The following CLPTM1 variants were observed in gnomAD, a reference collection of about 807,000 sequenced individuals.
CLPTM1 encodes putative lipid scramblase CLPTM1.
A neutral mutation model predicts 77.3 loss-of-function variants in CLPTM1; 21 were observed. The observed-to-expected ratio is 0.27, with a 90% confidence interval of 0.19 to 0.39. CLPTM1 has a LOEUF of 0.39. Ranked by LOEUF, CLPTM1 falls within the 10% of genes least tolerant of loss-of-function variation. The probability of loss-of-function intolerance (pLI) is 1.00; values close to 1 mark genes in which losing one functional copy is unlikely to be tolerated. For synonymous variants in CLPTM1, 373 were observed against 381.0 expected, an observed-to-expected ratio of 0.98 and a Z score of 0.24; for missense variants, 642 against 921.2, an observed-to-expected ratio of 0.70 and a Z score of 3.92.
chr19:44,961,955 C>T lies in CLPTM1; in HGVS notation c.73-8C>T. On this transcript the variant is annotated splice_polypyrimidine_tract_variant and splice_region_variant and intron_variant, in intron 1 of 13. Transcript: ENST00000337392. ...CTCCCTCCTTACCCTGGCCTCTGTC[C>T]CCCACAGGTGACCAGCAATGGCAGC... 6.3e-7 allele frequency: 1 copy of T among 1,593,586 alleles called. No individual in the cohort carries two copies. Among genetic ancestry groups the T allele is most frequent in the Non-Finnish European group, 8.5e-7 (1 of 1,170,474 alleles).
chr19:44,990,596 G>A lies in CLPTM1; in HGVS notation c.1323+11G>A. On this transcript the variant is annotated intron_variant, in intron 10 of 13. Transcript: ENST00000337392. This position sits in a 1 kb window ranked among gnomAD's most constrained non-coding sequence, Gnocchi z 4.8. ...GTCATGGACGTCCGGGTAAGGCTGG[G>A]GCGCCATGCTGTCTCGGGAGCTGCA... 1 of 1,611,812 alleles carries A rather than the reference G, an allele frequency of 6.2e-7. No individual in the cohort carries two copies. Among genetic ancestry groups the A allele is most frequent in the South Asian group, 1.1e-5 (1 of 91,044 alleles).
Position 44,992,731 on chromosome 19 carries a change from C to A in CLPTM1, c.1844C>A (p.Pro615His), listed in dbSNP as rs541453713. Residue 615 changes from proline (P) to histidine (H), a missense_variant, in exon 14 of 14, where the codon CCC (proline) becomes CAC (histidine). Physicochemically the swap from Pro to His is moderately conservative, Grantham distance 77 (BLOSUM62 -2). Transcript: ENST00000337392. The surrounding 1 kb of genome is among the most constrained non-coding windows in gnomAD (Gnocchi z 7.7). ...GCTGCCGCCCCCGTGGCCGAGGTTC[C>A]CACAGCAGCAGGGGCCCTCACGCCC... ...PTAAAPVAEV[P>H]TAAGALTPTP... The A allele has an allele frequency of 6.2e-7, 1 of 1,613,354 alleles. No homozygotes were observed. The highest frequency in any genetic ancestry group is 2.2e-5 in the East Asian group (1 of 44,872).
At chr19:44,980,067 C>T (rs1970870401) in intron 5 of CLPTM1, among the ~76,000 whole-genome samples, 1 of 152,118 alleles carries the variant, frequency 6.6e-6, no homozygotes, top group South Asian at 2.1e-4. Context: ...TAAAATAGAA[C>T]CTGCAGACAG....
Position 44,992,628 on chromosome 19 carries a change from T to C in CLPTM1, c.1741T>C (p.Tyr581His). The C allele has an allele frequency of 6.2e-7, 1 of 1,613,868 alleles. No individual in the cohort carries two copies. The highest frequency in any genetic ancestry group is 8.5e-7 in the Non-Finnish European group (1 of 1,179,936). ...CTCTCCAGATGTGGTTTTCTTCATC[T>C]ACCTCTACCAACGGTGGATCTACCG... ...CLRDDVVFFI[Y>H]LYQRWIYRVD... Residue 581 changes from tyrosine (Y) to histidine (H), a missense_variant, in exon 14 of 14, where the codon TAC (tyrosine) becomes CAC (histidine). This residue lies in a region of CLPTM1 where 521 missense variants were observed against 800.4 expected (regional missense o/e 0.65). Transcript: ENST00000337392. The surrounding 1 kb of genome is among the most constrained non-coding windows in gnomAD (Gnocchi z 7.7).
Position 44,992,340 on chromosome 19 carries a change from G to T in CLPTM1, c.1663G>T (p.Asp555Tyr). The change falls in exon 13 of 14, where the codon GAC (aspartate) becomes TAC (tyrosine). Residue 555 changes from aspartate (D) to tyrosine (Y), a missense_variant. Asp to Tyr is a radical substitution (Grantham distance 160). Coordinates refer to ENST00000337392, the MANE Select transcript of CLPTM1 (RefSeq NM_001294.4). The surrounding 1 kb of genome is among the most constrained non-coding windows in gnomAD (Gnocchi z 7.7). ...CAAGGCCCTCAACACATTCATCGAC[G>T]ACCTGTTCGCCTTTGTCATCAAGAT... is the stretch of plus-strand genomic sequence containing the variant. ...TYKALNTFID[D>Y]LFAFVIKMPV... The T allele has an allele frequency of 6.2e-7, 1 of 1,614,088 alleles. No homozygotes were observed. The highest frequency in any genetic ancestry group is 8.5e-7 in the Non-Finnish European group (1 of 1,179,976).
At position 44,987,775 on chromosome 19, in the gene CLPTM1, G is replaced by A. The variant is rs549417282; in HGVS notation, c.1039-305G>A. 14 of 554,728 alleles carry A rather than the reference G, an allele frequency of 2.5e-5. No individual in the cohort carries two copies. In the East Asian group the frequency reaches 2.8e-4, roughly 11 times the overall value. The allele number at this position is 554,728 out of a possible 1,614,324, so 34.4% of individuals were successfully genotyped here. A position where few individuals can be genotyped will look rare whatever the true frequency, so the allele number is the denominator to read the frequency against. On this transcript the variant is annotated intron_variant, in intron 8 of 13. Transcript: ENST00000337392. ...AGCCTGTGTCTGTGGCGTGAGGCTC[G>A]GCTTTGCCTCCTGGGCTGTCGTCAC... is the stretch of plus-strand genomic sequence containing the variant.
chr19:44,969,497 A>T (rs1970685124), intron 2 of CLPTM1, among the ~76,000 whole-genome samples: 1 of 152,140 alleles, frequency 6.6e-6, no homozygotes, highest in African/African-American at 2.4e-5. Context: ...ACCAGTCTGG[A>T]TGGAGGCAGA....
Position 44,957,824 on chromosome 19 carries a change from C to A in CLPTM1, c.72+2357C>A, listed in dbSNP as rs141206410. On this transcript the variant is annotated intron_variant, in intron 1 of 13. Transcript: ENST00000337392. ...GAACCCACAGCTTTGCCATTCCTTCCTTCAGCGAATGCGAATTGAGTCTAC... is the reference window on the plus strand; with the variant it reads ...GAACCCACAGCTTTGCCATTCCTTCATTCAGCGAATGCGAATTGAGTCTAC... 5.0e-3 allele frequency among the ~76,000 whole-genome samples: 761 copies of A among 152,354 alleles called. 2 individuals carry two copies. Among genetic ancestry groups the A allele is most frequent in the South Asian group, 0.017 (82 of 4,834 alleles).
chr19:44,970,874 A>G (rs1374139676), intron 2 of CLPTM1, among the ~76,000 whole-genome samples: 1 of 134,956 alleles, frequency 7.4e-6, no homozygotes, highest in African/African-American at 3.1e-5. Flanking sequence ...CTTGTTGCCC[A>G]GGCTGGAGTG....
In CLPTM1 at chr19:44,986,340, AAAG is replaced by A. The variant is rs1479146120; in HGVS notation, c.673-112_673-110del. On this transcript the variant is annotated intron_variant, in intron 6 of 13. Transcript: ENST00000337392. ...ATAGTGAGACCCCATCTCAGAAAAA[AAAG>A]AAAGCAAAGATTAAGATTTTCTCGG... 9 of 1,391,668 alleles carry A rather than the reference AAAG, an allele frequency of 6.5e-6. No homozygotes were observed. In the East Asian group the frequency reaches 1.2e-4, roughly 18 times the overall value. The allele number at this position is 1,391,668 out of a possible 1,614,324, so 86.2% of individuals were successfully genotyped here.
At position 44,991,428 on chromosome 19, in the gene CLPTM1, C is replaced by CTGT. The variant is rs1821731126; in HGVS notation, c.1555+55_1555+56insTGT. On this transcript the variant is annotated intron_variant, in intron 12 of 13. Coordinates refer to ENST00000337392, the MANE Select transcript of CLPTM1 (RefSeq NM_001294.4). This position sits in a 1 kb window ranked among gnomAD's most constrained non-coding sequence, Gnocchi z 5.4. The stretch of plus-strand genomic sequence containing the variant: ...CAGGCCCCATGCTGCGCAGGGCTCA[C>CTGT]AGCCCCAGTGTAGGAGACAGACCCA... The CTGT allele has an allele frequency of 6.3e-7, 1 of 1,589,080 alleles. No homozygotes were observed. The highest frequency in any genetic ancestry group is 8.5e-7 in the Non-Finnish European group (1 of 1,169,858).
rs1970675940 is a variant in CLPTM1, at chr19:44,968,911, C to T, written c.186-4176C>T. Among the ~76,000 whole-genome samples the T allele has an allele frequency of 2.0e-5, 3 of 152,180 alleles. No homozygotes were observed. The South Asian group carries it at 6.2e-4, about 32-fold the overall frequency. On this transcript the variant is annotated intron_variant, in intron 2 of 13. Coordinates refer to ENST00000337392, the MANE Select transcript of CLPTM1 (RefSeq NM_001294.4). ...GGACTTCATGGGGAGGTAGCGATGGCTCAGCTGGACCGTGGCCCCTAAGAC... is the reference window on the plus strand; with the variant it reads ...GGACTTCATGGGGAGGTAGCGATGGTTCAGCTGGACCGTGGCCCCTAAGAC...
chr19:44,962,737 C>T (rs1339366622), intron 2 of CLPTM1, among the ~76,000 whole-genome samples: 2 of 152,066 alleles, frequency 1.3e-5, no homozygotes, highest in Non-Finnish European at 2.9e-5. Flanking sequence ...TGAGACCAGC[C>T]TGGGCAACAT....
At chr19:44,972,282 C>CT (rs1223032503) in intron 2 of CLPTM1, among the ~76,000 whole-genome samples, 5 of 150,646 alleles carry the variant, frequency 3.3e-5, no homozygotes, top group African/African-American at 1.2e-4. Context: ...GAGTCTCGCT[C>CT]TGTTGCCCAG....
chr19:44,988,024 G>A (rs574911302), intron 8 of CLPTM1, 56 bp from the exon 9 acceptor site: 1 of 1,350,632 alleles, frequency 7.4e-7, no homozygotes, highest in East Asian at 2.3e-5. Flanking sequence ...CGGGACAAAA[G>A]CTAGTGAAGG....
At chr19:44,986,696 A>T in intron 7 of CLPTM1, 121 bp downstream of exon 7, 1 of 1,310,146 alleles carries the variant, frequency 7.6e-7, no homozygotes. Context: ...CACCCTCCCA[A>T]GCTCCCACCC....
intron 1 of CLPTM1, 51 bp downstream of exon 1, chr19:44,955,518 TC>T: frequency 2.4e-6 from 3 of 1,249,868 alleles, no homozygotes; most frequent in Non-Finnish European, 1.0e-6. Context: ...CCGGGGGGCC[TC>T]CCACGGGGCG....
intron 3 of CLPTM1, among the ~76,000 whole-genome samples, chr19:44,973,731 A>C (rs1341077595): frequency 2.0e-5 from 3 of 149,168 alleles, no homozygotes; most frequent in Non-Finnish European, 4.4e-5. Context: ...GGGCTTGAGA[A>C]AGGAGGAAGT....
chr19:44,960,202 C>G (rs957057327), intron 1 of CLPTM1, among the ~76,000 whole-genome samples: 3 of 152,194 alleles, frequency 2.0e-5, no homozygotes, highest in Admixed American at 2.0e-4. Context: ...ACCCAGACGA[C>G]CCAGACGTCA....
Sources: gnomAD v4.1 joint callset for allele counts (sites outside exome capture counted in the v4.1 genomes callset) on GRCh38, gnomAD v4.1.1 for gene constraint, gnomAD v4.1.1 regional missense constraint, Gnocchi (gnomAD v3.1) non-coding constraint, MANE v1.5 for transcripts, NCBI Gene and HGNC (gene_info 2026-07-23, HGNC 2026-07-21) for gene names.